NCAM1: variants seen among roughly 807,000 people sequenced by gnomAD.
The protein encoded by NCAM1 is antigen recognized by monoclonal antibody 5.1H11.
Under a neutral mutation model 109.8 loss-of-function variants are expected in NCAM1, and 14 were observed. The ratio of observed to expected loss-of-function variants is 0.13; its 90% CI spans 0.08 to 0.20. The LOEUF (loss-of-function observed/expected upper bound fraction) is 0.20. Among genes scored for constraint, NCAM1 ranks in the 10% least tolerant of loss-of-function variants. The pLI is 1.00. For missense variants in NCAM1, 774 were observed against 1,109.9 expected, an observed-to-expected ratio of 0.70 and a Z score of 4.30; for synonymous variants, 418 against 442.9, an observed-to-expected ratio of 0.94 and a Z score of 0.70.
intron 1 of NCAM1, among the ~76,000 whole-genome samples, chr11:112,987,528 C>T (rs1951341287): frequency 6.6e-6 from 1 of 152,054 alleles, no homozygotes; most frequent in Non-Finnish European, 1.5e-5. Flanking sequence ...CTATATTTCC[C>T]TTCAGATCTA....
intron 1 of NCAM1, among the ~76,000 whole-genome samples, chr11:113,069,650 C>T (rs1290632452): frequency 1.3e-5 from 2 of 152,082 alleles, no homozygotes; most frequent in Non-Finnish European, 2.9e-5. Context: ...AAAACTCAAG[C>T]AACATTGTTC....
intron 1 of NCAM1, among the ~76,000 whole-genome samples, chr11:113,148,027 TACAAC>T (rs1359895623): frequency 6.6e-6 from 1 of 152,238 alleles, no homozygotes; most frequent in Non-Finnish European, 1.5e-5. Flanking sequence ...TATCATGTCT[TACAAC>T]AATTAATCCT....
chr11:113,182,429 C>T (rs976974974), intron 1 of NCAM1, among the ~76,000 whole-genome samples: 7 of 152,262 alleles, frequency 4.6e-5, no homozygotes, highest in East Asian at 3.9e-4. Flanking sequence ...CTGAATGTGA[C>T]GTAATTAACA....
At chr11:113,097,652 T>C (rs963980759) in intron 1 of NCAM1, among the ~76,000 whole-genome samples, 15 of 152,082 alleles carry the variant, frequency 9.9e-5, no homozygotes, top group African/African-American at 3.4e-4. Context: ...TTAGTAGCTG[T>C]TTTTTAGAAC....
chr11:113,022,459 G>T (rs1952417553), intron 1 of NCAM1, among the ~76,000 whole-genome samples: 3 of 152,154 alleles, frequency 2.0e-5, no homozygotes, highest in Admixed American at 2.0e-4. Flanking sequence ...CCTTAGACTT[G>T]TGGGATGAAG....
Position 113,270,174 on chromosome 11 carries a change from C to T in NCAM1, c.2132-14C>T. On this transcript the variant is annotated splice_polypyrimidine_tract_variant and intron_variant, in intron 17 of 19. Coordinates refer to ENST00000316851, the MANE Select transcript of NCAM1 (RefSeq NM_181351.5). ...TCAGTCTGTTAACCACCAGCCATCT[C>T]TCTCCCACTCAAGCCAACGGCAGCC... is the stretch of plus-strand genomic sequence containing the variant. 1 of 1,613,604 alleles carries T rather than the reference C, an allele frequency of 6.2e-7. No homozygotes were observed. Among genetic ancestry groups the T allele is most frequent in the Non-Finnish European group, 8.5e-7 (1 of 1,179,712 alleles).
intron 1 of NCAM1, among the ~76,000 whole-genome samples, chr11:113,150,832 T>A (rs1555102351): frequency 6.6e-6 from 1 of 152,022 alleles, no homozygotes; most frequent in African/African-American, 2.4e-5. Context: ...GGATAGAATA[T>A]CATCAGACTA....
At chr11:113,181,552 G>A (rs1482398151) in intron 1 of NCAM1, among the ~76,000 whole-genome samples, 1 of 152,158 alleles carries the variant, frequency 6.6e-6, no homozygotes, top group Non-Finnish European at 1.5e-5. Flanking sequence ...GCATCAGGAA[G>A]AATAGCTAAT....
chr11:113,119,412 A>G (rs79567298), intron 1 of NCAM1, among the ~76,000 whole-genome samples: 2 of 152,332 alleles, frequency 1.3e-5, no homozygotes, highest in Non-Finnish European at 2.9e-5. Context: ...CACTGGTTCT[A>G]TGATCTGGAA....
intron 1 of NCAM1, among the ~76,000 whole-genome samples, chr11:113,039,091 T>G (rs17591732): frequency 0.14 from 20,794 of 152,184 alleles, 1,796 homozygotes; most frequent in South Asian, 0.4. Flanking sequence ...AAAATACATA[T>G]GCACTCTAAA....
At chr11:113,078,664 G>A (rs760064825) in intron 1 of NCAM1, among the ~76,000 whole-genome samples, 12 of 152,026 alleles carry the variant, frequency 7.9e-5, no homozygotes, top group Non-Finnish European at 1.8e-4. Flanking sequence ...TTCTGGAAGC[G>A]CATTTTAGTG....
rs1373959317 is a variant in NCAM1 at position 112,966,850 on chromosome 11, A to T, written c.52+5186A>T. Among the ~76,000 whole-genome samples the T allele has an allele frequency of 1.1e-4, 16 of 152,226 alleles. 3 individuals are homozygous for T. The highest frequency in any genetic ancestry group is 1.0e-3 in the Admixed American group (16 of 15,288). ...GCAGCCACTGAGTTAACGGATTTTC[A>T]GTTGGGTAGACACACTTTTCCTTTC... On this transcript the variant is annotated intron_variant, in intron 1 of 19. Transcript: ENST00000316851.
In NCAM1 at chr11:113,104,153, GT is replaced by G. The variant is rs570218463; in HGVS notation, c.53-98222del. Among the ~76,000 whole-genome samples, 184 of 128,902 alleles carry G rather than the reference GT, an allele frequency of 1.4e-3. 6 individuals are homozygous for G. The highest frequency in any genetic ancestry group is 5.3e-3 in the South Asian group (22 of 4,134). 84.6% of individuals were successfully genotyped at this position (128,902 alleles called of 152,430 possible). On this transcript the variant is annotated intron_variant, in intron 1 of 19. Transcript: ENST00000316851. Reference sequence around the variant, plus strand: ...TGGCTTTGCATGGAAGCCCTGACTAGTTTTCGTTTTGTTCTGTTTCTCCTGT... The same window carrying G: ...TGGCTTTGCATGGAAGCCCTGACTAGTTTCGTTTTGTTCTGTTTCTCCTGT...
intron 1 of NCAM1, among the ~76,000 whole-genome samples, chr11:113,059,502 C>G (rs1157323484): frequency 3.9e-5 from 6 of 152,172 alleles, no homozygotes; most frequent in Non-Finnish European, 7.4e-5. Flanking sequence ...TCTGATACCT[C>G]CATGCTCTTT....
chr11:113,006,227 G>T (rs1951891473), intron 1 of NCAM1, among the ~76,000 whole-genome samples: 1 of 152,120 alleles, frequency 6.6e-6, no homozygotes, highest in African/African-American at 2.4e-5. Flanking sequence ...ATTGGCATCT[G>T]CACATAATTA....
At chr11:113,100,308 C>T (rs1253072803) in intron 1 of NCAM1, among the ~76,000 whole-genome samples, 2 of 152,064 alleles carry the variant, frequency 1.3e-5, no homozygotes, top group Non-Finnish European at 2.9e-5. Context: ...CACTTTTGGG[C>T]TCTGGCCCCA....
intron 1 of NCAM1, among the ~76,000 whole-genome samples, chr11:113,089,517 A>G (rs1191325830): frequency 6.6e-6 from 1 of 152,092 alleles, no homozygotes; most frequent in Non-Finnish European, 1.5e-5. Flanking sequence ...GCTGGATTCA[A>G]ACTCCTGGGC....
chr11:113,277,322 A>G lies in NCAM1; in HGVS notation c.*1935A>G, dbSNP rs1307588986. 1.3e-5 allele frequency: 5 copies of G among 399,148 alleles called. No homozygotes were observed. Among genetic ancestry groups the G allele is most frequent in the South Asian group, 1.3e-4 (1 of 7,858 alleles). 24.7% of individuals were successfully genotyped at this position (399,148 alleles called of 1,614,324 possible). The stretch of plus-strand genomic sequence containing the variant: ...GAATAATGGTCTTGTCATTTGCTCA[A>G]TGTGGGGTTATGTTGCATTTTCTCA... On this transcript the variant is annotated 3_prime_UTR_variant, in exon 20 of 20. Coordinates refer to ENST00000316851, the MANE Select transcript of NCAM1 (RefSeq NM_181351.5).
At position 113,060,228 on chromosome 11, in the gene NCAM1, C is replaced by T. The variant is rs139002371; in HGVS notation, c.52+98564C>T. ...GTGATGCTTGTCCTTTCTGCTTTTG[C>T]GACATCATGGTTTATGATACCATAG... On this transcript the variant is annotated intron_variant, in intron 1 of 19. Transcript: ENST00000316851. 4.5e-3 allele frequency among the ~76,000 whole-genome samples: 686 copies of T among 152,244 alleles called. 5 individuals are homozygous for T. Among genetic ancestry groups the T allele is most frequent in the African/African-American group, 0.015 (631 of 41,546 alleles).
Sources: gnomAD v4.1 joint callset for allele counts (sites outside exome capture counted in the v4.1 genomes callset) on GRCh38, gnomAD v4.1.1 for gene constraint, MANE v1.5 for transcripts, NCBI Gene and HGNC (gene_info 2026-07-23, HGNC 2026-07-21) for gene names.